Variants in RGS6 observed in about 807,000 individuals in gnomAD.
The protein encoded by RGS6 is regulator of G-protein signaling 6.
A neutral mutation model predicts 78.5 loss-of-function variants in RGS6; 30 were observed. That is an observed-to-expected ratio of 0.38 (90% CI 0.29 to 0.52). The LOEUF (loss-of-function observed/expected upper bound fraction) is 0.52. Ranked by LOEUF, RGS6 falls within the 20% of genes least tolerant of loss-of-function variation. The pLI, the probability that RGS6 is intolerant of heterozygous loss-of-function variation, is 0.85. For synonymous variants in RGS6, 206 were observed against 206.0 expected (o/e 1.00, Z 0.00); for missense variants, 495 against 609.7 (o/e 0.81, Z 1.98).
intron 2 of RGS6, among the ~76,000 whole-genome samples, chr14:72,113,086 G>GCACACATGCATGCACACACATGCACA (rs57903376): frequency 1.3e-5 from 2 of 151,338 alleles, no homozygotes; most frequent in Admixed American, 6.6e-5. Flanking sequence ...ACGCATGCAC[G>GCACACATGCATGCACACACATGCACA]CATGCATGCA....
Position 72,494,890 on chromosome 14 carries a change from T to C in RGS6, c.855-262T>C, listed in dbSNP as rs17116464. On this transcript the variant is annotated intron_variant, in intron 12 of 17. Coordinates refer to ENST00000553525, the MANE Select transcript of RGS6 (RefSeq NM_001204424.2). ...TAACCAGGGAGAGATGCACCAAGGT[T>C]CAGGTAAAGAATCAAGTGAGGAAAA... Among the ~76,000 whole-genome samples the C allele has an allele frequency of 0.029, 4,460 of 152,206 alleles. 160 individuals are homozygous for C. The highest frequency in any genetic ancestry group is 0.1 in the East Asian group (517 of 5,184).
chr14:72,296,519 C>G (rs1291571803), intron 2 of RGS6, among the ~76,000 whole-genome samples: 1 of 152,142 alleles, frequency 6.6e-6, no homozygotes, highest in Non-Finnish European at 1.5e-5. Flanking sequence ...AAAATTTCAG[C>G]TATTCTATTT....
intron 2 of RGS6, among the ~76,000 whole-genome samples, chr14:72,100,290 A>C (rs1478913720): frequency 1.3e-5 from 2 of 152,072 alleles, no homozygotes; most frequent in East Asian, 3.9e-4. Context: ...AGATCACTTG[A>C]GGTTAGGAGT....
chr14:72,362,023 T>A (rs1235602326), intron 3 of RGS6, among the ~76,000 whole-genome samples: 1 of 152,190 alleles, frequency 6.6e-6, no homozygotes, highest in Admixed American at 6.5e-5. Context: ...ATTTTATTTA[T>A]GATTCATCAT....
rs927094084 is a variant in RGS6 at position 72,207,464 on chromosome 14, C to G, written c.85-144631C>G. 2.6e-5 allele frequency among the ~76,000 whole-genome samples: 4 copies of G among 152,128 alleles called. No homozygotes were observed. The East Asian group carries it at 7.7e-4, about 29-fold the overall frequency. On this transcript the variant is annotated intron_variant, in intron 2 of 17. Coordinates refer to ENST00000553525, the MANE Select transcript of RGS6 (RefSeq NM_001204424.2). ...TCATCCGTACATCTAGATTGTCCAC[C>G]CTTTATGCCTAATCTCTGTCATTGT...
At chr14:72,201,432 C>CG (rs1047700476) in intron 2 of RGS6, among the ~76,000 whole-genome samples, 3 of 152,050 alleles carry the variant, frequency 2.0e-5, no homozygotes, top group Non-Finnish European at 4.4e-5. Flanking sequence ...GATGGAGAAA[C>CG]GGGGGAATTC....
chr14:71,904,782 C>A, the RGS6 span, among the ~76,000 whole-genome samples: 1 of 138,348 alleles, frequency 7.2e-6, no homozygotes, highest in South Asian at 2.4e-4. Flanking sequence ...ACTCAACCTT[C>A]TAATAACCCG....
intron 2 of RGS6, among the ~76,000 whole-genome samples, chr14:72,026,142 C>A (rs1002339534): frequency 6.6e-6 from 1 of 152,076 alleles, no homozygotes; most frequent in Non-Finnish European, 1.5e-5. Flanking sequence ...CATGGTGGCT[C>A]ACACCTGTAA....
the RGS6 span, among the ~76,000 whole-genome samples, chr14:72,605,736 G>A: frequency 2.2e-4 from 34 of 152,288 alleles, no homozygotes; most frequent in Admixed American, 1.7e-3. Flanking sequence ...CAAGGGAGAA[G>A]CCCCAAGTGG....
At chr14:72,346,332 T>G (rs76562919) in intron 2 of RGS6, among the ~76,000 whole-genome samples, 3,566 of 152,262 alleles carry the variant, frequency 0.023, 62 homozygotes, top group African/African-American at 0.053. Flanking sequence ...TCGTTTCTGT[T>G]AGGAGTGTCA....
At chr14:71,894,201 G>T in the RGS6 span, among the ~76,000 whole-genome samples, 2 of 152,018 alleles carry the variant, frequency 1.3e-5, no homozygotes, top group Non-Finnish European at 2.9e-5. Context: ...AGACTTGCTG[G>T]GCTGCCTTCT....
intron 15 of RGS6, among the ~76,000 whole-genome samples, chr14:72,532,683 T>C (rs1336457360): frequency 2.0e-5 from 3 of 152,200 alleles, no homozygotes; most frequent in African/African-American, 4.8e-5. Flanking sequence ...AAAACAACCT[T>C]ATTGCTGATA....
chr14:72,318,897 C>G (rs1426420127), intron 2 of RGS6, among the ~76,000 whole-genome samples: 1 of 152,094 alleles, frequency 6.6e-6, no homozygotes. Flanking sequence ...GCCTGTTGGC[C>G]GAGAAGAAGC....
chr14:72,230,382 T>G (rs1374468772), intron 2 of RGS6, among the ~76,000 whole-genome samples: 1 of 152,044 alleles, frequency 6.6e-6, no homozygotes, highest in Admixed American at 6.6e-5. Flanking sequence ...TTTGTGAAAT[T>G]GAAAACAAAA....
intron 2 of RGS6, among the ~76,000 whole-genome samples, chr14:72,009,339 C>T (rs949546337): frequency 6.6e-6 from 1 of 152,034 alleles, no homozygotes. Context: ...CAGAGTGAGA[C>T]CCCCCACCCC....
chr14:72,407,259 G>A (rs1321878214), intron 3 of RGS6, among the ~76,000 whole-genome samples: 2 of 152,200 alleles, frequency 1.3e-5, no homozygotes, highest in African/African-American at 4.8e-5. Flanking sequence ...CACACTGCCT[G>A]TGCTGAGCTG....
At chr14:71,924,998 C>T in the RGS6 span, among the ~76,000 whole-genome samples, 8 of 152,200 alleles carry the variant, frequency 5.3e-5, no homozygotes, top group African/African-American at 1.7e-4. Context: ...GGAATCTCCA[C>T]ACGTTTTCCA....
At position 71,974,012 on chromosome 14, in the gene RGS6, C is replaced by A. The variant is rs1329840221; in HGVS notation, c.84+9137C>A. Among the ~76,000 whole-genome samples the A allele has an allele frequency of 3.3e-5, 5 of 152,210 alleles. No individual in the cohort carries two copies. In the East Asian group the frequency reaches 7.7e-4, roughly 24 times the overall value. Reference sequence around the variant, plus strand: ...GAGTATAACTTTCTAATTTGAAAAGCCTTTGGTGTGTTTACGTCTTCATTT... The same window carrying A: ...GAGTATAACTTTCTAATTTGAAAAGACTTTGGTGTGTTTACGTCTTCATTT... On this transcript the variant is annotated intron_variant, in intron 2 of 17. Coordinates refer to ENST00000553525, the MANE Select transcript of RGS6 (RefSeq NM_001204424.2).
At chr14:72,580,991 C>A in the RGS6 span, among the ~76,000 whole-genome samples, 673 of 152,334 alleles carry the variant, frequency 4.4e-3, 7 homozygotes, top group African/African-American at 0.016. Flanking sequence ...AGTTCACAGG[C>A]AAGTAGCCTC....
Sources: gnomAD v4.1 joint callset for allele counts (sites outside exome capture counted in the v4.1 genomes callset) on GRCh38, gnomAD v4.1.1 for gene constraint, MANE v1.5 for transcripts, NCBI Gene and HGNC (gene_info 2026-07-23, HGNC 2026-07-21) for gene names.